TTC23: variants seen among roughly 807,000 people sequenced by gnomAD.
TTC23 encodes the protein tetratricopeptide repeat domain 23, also known as tetratricopeptide repeat protein 23.
Under a neutral mutation model 55.1 loss-of-function variants are expected in TTC23, and 58 were observed. That is an observed-to-expected ratio of 1.05 (90% confidence interval 0.85 to 1.31). The LOEUF (loss-of-function observed/expected upper bound fraction) is 1.31. Ranked by LOEUF, TTC23 falls within the 50% of genes most tolerant of loss-of-function variation. The pLI, the probability that TTC23 is intolerant of heterozygous loss-of-function variation, is 0.00. For synonymous variants in TTC23, 203 were observed against 199.9 expected, an observed-to-expected ratio of 1.02 and a Z score of -0.13; for missense variants, 516 against 534.4, an observed-to-expected ratio of 0.97 and a Z score of 0.34.
intron 2 of TTC23, among the ~76,000 whole-genome samples, chr15:99,244,972 C>T (rs1376374506): frequency 2.6e-5 from 4 of 152,038 alleles, no homozygotes; most frequent in South Asian, 2.1e-4. Context: ...AGCATGGTAA[C>T]TATAGAAAAT....
intron 9 of TTC23, among the ~76,000 whole-genome samples, chr15:99,193,462 T>C (rs1311522519): frequency 6.6e-6 from 1 of 152,158 alleles, no homozygotes; most frequent in Non-Finnish European, 1.5e-5. Flanking sequence ...AGGGGGAGTT[T>C]CCCTGACCAA....
At position 99,232,048 on chromosome 15, in the gene TTC23, G is replaced by A. The variant is rs547290346; in HGVS notation, c.-21+2940C>T. Reference sequence around the variant, plus strand: ...CTCAGGTGATCCACCCGCCTTGGCCGCCCAAAGTGCTGGGATTACAGGCAT... The same window carrying A: ...CTCAGGTGATCCACCCGCCTTGGCCACCCAAAGTGCTGGGATTACAGGCAT... On this transcript the variant is annotated intron_variant, in intron 4 of 13. Coordinates refer to ENST00000394132, the MANE Select transcript of TTC23 (RefSeq NM_001288615.3). 2.8e-5 allele frequency among the ~76,000 whole-genome samples: 4 copies of A among 145,338 alleles called. 1 individual carries two copies. Among genetic ancestry groups the A allele is most frequent in the South Asian group, 4.5e-4 (2 of 4,456 alleles).
At chr15:99,163,127 A>C (rs1038769118) in intron 10 of TTC23, among the ~76,000 whole-genome samples, 2 of 152,070 alleles carry the variant, frequency 1.3e-5, no homozygotes, top group African/African-American at 4.8e-5. Context: ...ACAACAACAA[A>C]AAACAAAACC....
chr15:99,153,294 T>G (rs1451176606), intron 12 of TTC23, among the ~76,000 whole-genome samples: 11 of 152,240 alleles, frequency 7.2e-5, no homozygotes, highest in African/African-American at 2.4e-4. Flanking sequence ...CATATTTGTC[T>G]TGGTCACAGT....
At chr15:99,148,094 G>C (rs2069172980) in intron 12 of TTC23, among the ~76,000 whole-genome samples, 1 of 152,014 alleles carries the variant, frequency 6.6e-6, no homozygotes, top group African/African-American at 2.4e-5. Context: ...CGGGCATGGT[G>C]GCTCATGCCT....
chr15:99,146,941 G>A (rs2068940089), intron 12 of TTC23, among the ~76,000 whole-genome samples: 2 of 152,164 alleles, frequency 1.3e-5, no homozygotes, highest in African/African-American at 4.8e-5. Flanking sequence ...TTGAGACGGA[G>A]TCTCGCTCTG....
At chr15:99,142,234 GC>G (rs1307922910) in intron 12 of TTC23, among the ~76,000 whole-genome samples, 3 of 152,190 alleles carry the variant, frequency 2.0e-5, no homozygotes, top group African/African-American at 7.2e-5. Flanking sequence ...GGCACACTGG[GC>G]CTGGCAGAGG....
At chr15:99,237,777 G>C (rs936618623) in intron 3 of TTC23, among the ~76,000 whole-genome samples, 2 of 151,924 alleles carry the variant, frequency 1.3e-5, no homozygotes, top group Non-Finnish European at 2.9e-5. Flanking sequence ...CAGTTTCTTG[G>C]GTGTACACAT....
intron 9 of TTC23, among the ~76,000 whole-genome samples, chr15:99,178,386 G>C (rs978080504): frequency 3.3e-5 from 5 of 152,236 alleles, no homozygotes; most frequent in Middle Eastern, 3.4e-3. Context: ...AGGGAAGGGG[G>C]TTTGACGGGG....
chr15:99,218,352 A>G (rs1042849118), intron 8 of TTC23, among the ~76,000 whole-genome samples: 4 of 152,156 alleles, frequency 2.6e-5, no homozygotes, highest in African/African-American at 9.7e-5. Context: ...AGTCAAGAGA[A>G]TAATGATCAG....
intron 9 of TTC23, among the ~76,000 whole-genome samples, chr15:99,181,728 C>A (rs2623193): frequency 0.71 from 107,271 of 151,940 alleles, 38,867 homozygotes; most frequent in African/African-American, 0.87. Context: ...GGCCACACAC[C>A]CCTTGGAGGC....
intron 1 of TTC23, among the ~76,000 whole-genome samples, chr15:99,248,474 A>G (rs1345019676): frequency 1.3e-5 from 2 of 152,060 alleles, no homozygotes; most frequent in Non-Finnish European, 2.9e-5. Context: ...CAACTCACTC[A>G]CTAGTAGGGA....
chr15:99,195,633 G>A lies in TTC23; in HGVS notation c.759+4286C>T, dbSNP rs145281450. On this transcript the variant is annotated intron_variant, in intron 9 of 13. Coordinates refer to ENST00000394132, the MANE Select transcript of TTC23 (RefSeq NM_001288615.3). ...TTTTAGGGCAGTGAAGCCACTCTGC[G>A]TGATATTATAATGGTAAATACATGA... is the stretch of plus-strand genomic sequence containing the variant. 1.5e-3 allele frequency among the ~76,000 whole-genome samples: 232 copies of A among 152,256 alleles called. 2 individuals carry two copies. In the South Asian group the frequency reaches 0.017, roughly 11 times the overall value.
chr15:99,218,859 T>C, intron 7 of TTC23, 39 bp downstream of exon 7: 4 of 1,602,280 alleles, frequency 2.5e-6, no homozygotes, highest in Non-Finnish European at 3.4e-6. Flanking sequence ...GTTACGTGAA[T>C]AGTATTTCTA....
At chr15:99,243,155 GA>G (rs1249889813) in intron 2 of TTC23, among the ~76,000 whole-genome samples, 1 of 151,586 alleles carries the variant, frequency 6.6e-6, no homozygotes, top group East Asian at 1.9e-4. Context: ...AACCCAATAG[GA>G]AAAAAAATCT....
intron 10 of TTC23, among the ~76,000 whole-genome samples, chr15:99,166,888 G>A (rs986659361): frequency 1.3e-5 from 2 of 152,240 alleles, no homozygotes; most frequent in African/African-American, 4.8e-5. Flanking sequence ...CTTAGGAACA[G>A]AGGAAGGTCT....
chr15:99,138,766 C>T (rs541923544), intron 13 of TTC23, among the ~76,000 whole-genome samples: 9 of 152,356 alleles, frequency 5.9e-5, no homozygotes, highest in Admixed American at 5.2e-4. Context: ...AAGGGGATGG[C>T]GCCCTGCTGG....
chr15:99,154,421 T>C (rs2070265099), intron 12 of TTC23, among the ~76,000 whole-genome samples: 1 of 152,166 alleles, frequency 6.6e-6, no homozygotes, highest in African/African-American at 2.4e-5. Flanking sequence ...GATTAGGCCA[T>C]GAGGACTCTG....
intron 12 of TTC23, among the ~76,000 whole-genome samples, chr15:99,143,986 A>G (rs2068535579): frequency 6.6e-6 from 1 of 152,160 alleles, no homozygotes; most frequent in Non-Finnish European, 1.5e-5. Flanking sequence ...ATCAGTTACT[A>G]AAACCTCTGC....
Sources: allele counts gnomAD v4.1 joint callset (sites outside exome capture counted in the v4.1 genomes callset), GRCh38; gene constraint gnomAD v4.1.1; transcripts MANE v1.5; gene names NCBI Gene and HGNC (gene_info 2026-07-23, HGNC 2026-07-21).